Variants in LRP1B observed in about 807,000 individuals in gnomAD.
LRP1B encodes low-density lipoprotein receptor-related protein 1B.
LRP1B carries 217 observed loss-of-function variants against 556.6 expected under a neutral mutation model. That is an observed-to-expected ratio of 0.39 (90% confidence interval 0.35 to 0.44). The LOEUF (loss-of-function observed/expected upper bound fraction) is 0.44, where lower values mean the gene tolerates loss of function less well. LRP1B is among the 20% of genes least tolerant of loss of function. The probability of loss-of-function intolerance (pLI) is 1.00; values close to 1 mark genes in which losing one functional copy is unlikely to be tolerated. For synonymous variants in LRP1B, 2,047 were observed against 1,865.8 expected, an observed-to-expected ratio of 1.10 and a Z score of -2.50; for missense variants, 5,053 against 5,620.8, an observed-to-expected ratio of 0.90 and a Z score of 3.23.
chr2:140,681,772 C>T (rs952890451), intron 41 of LRP1B, among the ~76,000 whole-genome samples: 1 of 152,266 alleles, frequency 6.6e-6, no homozygotes, highest in African/African-American at 2.4e-5. Context: ...AAGCAAAGCT[C>T]ATCTTTTGTT....
chr2:142,119,232 G>A (rs923641158), intron 1 of LRP1B, among the ~76,000 whole-genome samples: 6 of 152,064 alleles, frequency 3.9e-5, no homozygotes, highest in Admixed American at 2.0e-4. Context: ...AAGAAAGCAA[G>A]TTATTTTCTT....
chr2:141,500,574 A>G (rs746621482), intron 2 of LRP1B, among the ~76,000 whole-genome samples: 1 of 152,166 alleles, frequency 6.6e-6, no homozygotes, highest in Non-Finnish European at 1.5e-5. Context: ...TGGTAAGTCA[A>G]TGATTTAAAA....
intron 60 of LRP1B, among the ~76,000 whole-genome samples, chr2:140,466,081 C>T (rs972658256): frequency 6.8e-5 from 10 of 146,626 alleles, no homozygotes; most frequent in African/African-American, 2.3e-4. Flanking sequence ...TAGTGCAGGT[C>T]GGGGGGTGGG....
chr2:141,460,423 A>C (rs1222981469), intron 3 of LRP1B, among the ~76,000 whole-genome samples: 1 of 152,190 alleles, frequency 6.6e-6, no homozygotes, highest in Non-Finnish European at 1.5e-5. Context: ...GGGGCTGAGA[A>C]ACAGTAATTG....
chr2:141,124,458 C>T (rs1008152472), intron 7 of LRP1B, among the ~76,000 whole-genome samples: 2 of 152,040 alleles, frequency 1.3e-5, no homozygotes, highest in Non-Finnish European at 2.9e-5. Context: ...AAAGCAATTC[C>T]ATGACATTCT....
intron 44 of LRP1B, 37 bp from the exon 45 acceptor site, chr2:140,541,135 C>G (rs373249657): frequency 6.5e-7 from 1 of 1,536,958 alleles, no homozygotes; most frequent in East Asian, 2.3e-5. Flanking sequence ...CATTTTATAT[C>G]GAATTCCTGT....
chr2:141,519,140 G>A (rs1400819097), intron 2 of LRP1B, among the ~76,000 whole-genome samples: 3 of 151,828 alleles, frequency 2.0e-5, no homozygotes, highest in South Asian at 4.2e-4. Flanking sequence ...AGAGGAAACG[G>A]TGCTGTCAAG....
At chr2:140,361,369 T>TACATATATAG in intron 72 of LRP1B, among the ~76,000 whole-genome samples, 1 of 127,222 alleles carries the variant, frequency 7.9e-6, no homozygotes, top group Admixed American at 7.9e-5. Flanking sequence ...TATATATATA[T>TACATATATAG]ATATATATAT....
chr2:140,479,133 G>C (rs1039945471), intron 59 of LRP1B, among the ~76,000 whole-genome samples: 1 of 151,944 alleles, frequency 6.6e-6, no homozygotes, highest in Non-Finnish European at 1.5e-5. Flanking sequence ...ATAAACACAG[G>C]ATTTATTTTG....
intron 1 of LRP1B, among the ~76,000 whole-genome samples, chr2:141,812,691 TAAGAA>T (rs1296949557): frequency 6.6e-6 from 1 of 152,038 alleles, no homozygotes; most frequent in African/African-American, 2.4e-5. Flanking sequence ...GGAAAATACT[TAAGAA>T]AAGGTAATTA....
At position 140,856,889 on chromosome 2, in the gene LRP1B, C is replaced by A. The variant is rs182417085; in HGVS notation, c.4580-5106G>T. 1.9e-4 allele frequency among the ~76,000 whole-genome samples: 29 copies of A among 152,100 alleles called. No individual in the cohort carries two copies. In the East Asian group the frequency reaches 3.7e-3, roughly 19 times the overall value. On this transcript the variant is annotated intron_variant, in intron 27 of 90. Transcript: ENST00000389484. ...TATGTGGGTATATATTCTAAAATTG[C>A]AGCAATCTAAAAATCTAGAAAGTTA...
intron 2 of LRP1B, among the ~76,000 whole-genome samples, chr2:141,753,264 A>ATATATATATATATATATATATATATG (rs1491257829): frequency 1.7e-5 from 1 of 57,784 alleles, no homozygotes; most frequent in East Asian, 5.6e-4. Flanking sequence ...CTCTCTCTCC[A>ATATATATATATATATATATATATATG]TATATATATA....
intron 2 of LRP1B, among the ~76,000 whole-genome samples, chr2:141,603,429 T>C (rs1687818335): frequency 2.0e-5 from 3 of 152,158 alleles, no homozygotes; most frequent in Admixed American, 2.0e-4. Context: ...TCCTTGGAGA[T>C]TTATGTTCTT....
intron 3 of LRP1B, among the ~76,000 whole-genome samples, chr2:141,292,695 C>T (rs113473615): frequency 4.5e-4 from 68 of 152,224 alleles, no homozygotes; most frequent in African/African-American, 1.6e-3. Flanking sequence ...AATCATCAGA[C>T]AATTTTCAGT....
At chr2:140,863,769 T>C (rs1247958080) in intron 27 of LRP1B, among the ~76,000 whole-genome samples, 7 of 152,134 alleles carry the variant, frequency 4.6e-5, no homozygotes, top group Admixed American at 2.6e-4. Context: ...ACTTTTAAAT[T>C]TCATTTACTA....
chr2:141,796,578 CT>C (rs75317117), intron 2 of LRP1B, among the ~76,000 whole-genome samples: 34,067 of 127,452 alleles, frequency 0.27, 3,906 homozygotes, highest in African/African-American at 0.42. Flanking sequence ...GCATTTTATT[CT>C]TTTTTTTTTT....
chr2:140,638,780 T>C (rs912640552), intron 41 of LRP1B, among the ~76,000 whole-genome samples: 4 of 151,660 alleles, frequency 2.6e-5, no homozygotes, highest in Non-Finnish European at 5.9e-5. Context: ...CACATATATA[T>C]GAAAAAATAT....
chr2:142,029,688 T>A lies in LRP1B; in HGVS notation c.82+100960A>T, dbSNP rs187191934. ...ATTTTTAAAACTCTCATCCCTCAAC[T>A]TCTTTCAAGCTTGTTTGTGCCTGTA... On this transcript the variant is annotated intron_variant, in intron 1 of 90. Transcript: ENST00000389484. 6.6e-5 allele frequency among the ~76,000 whole-genome samples: 10 copies of A among 151,964 alleles called. No homozygotes were observed. In the East Asian group the frequency reaches 1.9e-3, roughly 29 times the overall value.
At chr2:141,536,539 T>C (rs1165088314) in intron 2 of LRP1B, among the ~76,000 whole-genome samples, 2 of 151,960 alleles carry the variant, frequency 1.3e-5, no homozygotes, top group Non-Finnish European at 2.9e-5. Flanking sequence ...GTGAAGACAA[T>C]GGAGGTTATC....
Sources: gnomAD v4.1 joint callset for allele counts (sites outside exome capture counted in the v4.1 genomes callset) on GRCh38, gnomAD v4.1.1 for gene constraint, MANE v1.5 for transcripts, NCBI Gene and HGNC (gene_info 2026-07-23, HGNC 2026-07-21) for gene names.